Variants in PRELP observed in about 807,000 individuals in gnomAD.
PRELP encodes the protein prolargin.
PRELP carries 16 observed loss-of-function variants against 22.8 expected under a neutral mutation model. That is an observed-to-expected ratio of 0.70 (90% CI 0.47 to 1.06). The LOEUF (loss-of-function observed/expected upper bound fraction) is 1.06. Ranked by LOEUF, PRELP falls within the 50% of genes least tolerant of loss-of-function variation. The probability of loss-of-function intolerance (pLI) is 0.00; values close to 1 mark genes in which losing one functional copy is unlikely to be tolerated. For synonymous variants in PRELP, 233 were observed against 211.4 expected, an observed-to-expected ratio of 1.10 and a Z score of -0.89; for missense variants, 434 against 485.2, an observed-to-expected ratio of 0.89 and a Z score of 0.99.
intron 1 of PRELP, among the ~76,000 whole-genome samples, chr1:203,482,840 G>A (rs1222163528): frequency 6.6e-6 from 1 of 150,942 alleles, no homozygotes; most frequent in African/African-American, 2.4e-5. Context: ...CTCATGATCT[G>A]CCCACCTTGG....
intron 2 of PRELP, among the ~76,000 whole-genome samples, chr1:203,486,011 A>T (rs1661086943): frequency 6.6e-6 from 1 of 152,112 alleles, no homozygotes; most frequent in Non-Finnish European, 1.5e-5. Flanking sequence ...CTCACATCCA[A>T]TTCAAAGGAA....
intron 1 of PRELP, among the ~76,000 whole-genome samples, chr1:203,476,679 GA>G (rs1190427923): frequency 1.3e-5 from 2 of 151,972 alleles, no homozygotes; most frequent in Non-Finnish European, 2.9e-5. Context: ...AGGAGGGAGA[GA>G]AAAACGGCTT....
chr1:203,483,409 C>A lies in PRELP; in HGVS notation c.225C>A (p.Arg75=), dbSNP rs200948130. The part of the protein sequence containing the change: ...GPPSIFPDCP[R]ECYCPPDFPS... ...CATCTATCTTCCCTGACTGTCCCCG[C>A]GAATGCTACTGCCCCCCTGATTTCC... The change falls in exon 2 of 3, where the codon CGC becomes CGA. Residue 75 remains arginine, a synonymous_variant. Coordinates refer to ENST00000343110, the MANE Select transcript of PRELP (RefSeq NM_002725.4). This position sits in a 1 kb window ranked among gnomAD's most constrained non-coding sequence, Gnocchi z 4.4. The A allele has an allele frequency of 1.9e-6, 3 of 1,614,146 alleles. No individual in the cohort carries two copies. Among genetic ancestry groups the A allele is most frequent in the Non-Finnish European group, 1.7e-6 (2 of 1,180,010 alleles).
chr1:203,483,700 C>T lies in PRELP; in HGVS notation c.516C>T (p.Asn172=). ...AGGTCCCCTCGGCCCTGCCCCGGAA[C>T]CTGGAGCAGCTGAGGCTGAGCCAGA... The part of the protein sequence containing the change: ...LEEVPSALPR[N]LEQLRLSQNH... The change falls in exon 2 of 3, where the codon AAC becomes AAT. Residue 172 remains asparagine, a synonymous_variant. Coordinates refer to ENST00000343110, the MANE Select transcript of PRELP (RefSeq NM_002725.4). The surrounding 1 kb of genome is among the most constrained non-coding windows in gnomAD (Gnocchi z 4.4). The T allele has an allele frequency of 1.2e-6, 2 of 1,614,218 alleles. No homozygotes were observed. Among genetic ancestry groups the T allele is most frequent in the Non-Finnish European group, 8.5e-7 (1 of 1,180,036 alleles).
In PRELP at chr1:203,483,817, C is replaced by A. The variant is rs200698666; in HGVS notation, c.633C>A (p.Val211=). 1.3e-4 allele frequency: 208 copies of A among 1,614,058 alleles called. No individual in the cohort carries two copies. The highest frequency in any genetic ancestry group is 1.6e-4 in the Non-Finnish European group (192 of 1,180,022). ...DLQHNRLSDG[V]FKPDTFHGLK... is the part of the protein sequence containing the mutation. ...AGCACAACAGGCTGAGCGACGGCGT[C>A]TTCAAGCCCGACACCTTCCATGGCC... The change falls in exon 2 of 3, where the codon GTC becomes GTA. Residue 211 remains valine, a synonymous_variant. Coordinates refer to ENST00000343110, the MANE Select transcript of PRELP (RefSeq NM_002725.4). The surrounding 1 kb of genome is among the most constrained non-coding windows in gnomAD (Gnocchi z 4.4).
At position 203,484,017 on chromosome 1, in the gene PRELP, T is replaced by G; in HGVS notation, c.833T>G (p.Leu278Arg). The G allele has an allele frequency of 6.2e-7, 1 of 1,614,232 alleles. No homozygotes were observed. Among genetic ancestry groups the G allele is most frequent in the Non-Finnish European group, 8.5e-7 (1 of 1,180,042 alleles). The change falls in exon 2 of 3, where the codon CTG becomes CGG. Residue 278 changes from leucine to arginine, a missense_variant. Transcript: ENST00000343110. ...LAFIRLNYNK[L>R]TDRGLPKNSF... ...TTCATTCGGCTTAACTACAACAAGC[T>G]GACAGACAGGGGACTCCCCAAGAAC...
chr1:203,482,549 A>AT lies in PRELP; in HGVS notation c.-16-618dup, dbSNP rs560800485. ...CGCCTTGGCCTCCCAAAGTGCTGGGATTACAGGCTTGTATGCCACTGTCCC... is the reference window on the plus strand; with the variant it reads ...CGCCTTGGCCTCCCAAAGTGCTGGGATTTACAGGCTTGTATGCCACTGTCCC... On this transcript the variant is annotated intron_variant, in intron 1 of 2. Coordinates refer to ENST00000343110, the MANE Select transcript of PRELP (RefSeq NM_002725.4). Among the ~76,000 whole-genome samples, 23 of 128,866 alleles carry AT rather than the reference A, an allele frequency of 1.8e-4. No individual in the cohort carries two copies. In the East Asian group the frequency reaches 6.1e-3, roughly 34 times the overall value. The allele number at this position is 128,866 out of a possible 152,430, so 84.5% of individuals were successfully genotyped here.
intron 1 of PRELP, among the ~76,000 whole-genome samples, chr1:203,478,610 A>AT (rs987774819): frequency 6.6e-6 from 1 of 152,136 alleles, no homozygotes; most frequent in Non-Finnish European, 1.5e-5. Context: ...TATAGGGAAG[A>AT]TTTTTTTATT....
chr1:203,484,182 G>A, intron 2 of PRELP, 25 bp downstream of exon 2: 1 of 1,585,426 alleles, frequency 6.3e-7, no homozygotes, highest in Non-Finnish European at 8.6e-7. Flanking sequence ...CCGGGGCGGG[G>A]CCGAAGGCAA....
rs1463358113 is a variant in PRELP at position 203,483,611 on chromosome 1, C to G, written c.427C>G (p.Gln143Glu). Residue 143 changes from glutamine to glutamate, a missense_variant, in exon 2 of 3, where the codon CAG (glutamine) becomes GAG (glutamate). By Grantham distance (29) the Gln-to-Glu change is conservative (BLOSUM62 2). Coordinates refer to ENST00000343110, the MANE Select transcript of PRELP (RefSeq NM_002725.4). The surrounding 1 kb of genome is among the most constrained non-coding windows in gnomAD (Gnocchi z 4.4). ...CAACAACCGAATCCGCAAGATAGAC[C>G]AGAGGGTGCTGGAGAAACTGCCCGG... The part of the protein sequence containing the change: ...LDNNRIRKID[Q>E]RVLEKLPGLV... The G allele has an allele frequency of 8.7e-6, 14 of 1,614,098 alleles. No homozygotes were observed. In the Middle Eastern group the frequency reaches 1.5e-3, roughly 171 times the overall value.
chr1:203,483,045 A>T lies in PRELP; in HGVS notation c.-16-124A>T. On this transcript the variant is annotated intron_variant, in intron 1 of 2. Transcript: ENST00000343110. The surrounding 1 kb of genome is among the most constrained non-coding windows in gnomAD (Gnocchi z 4.4). ...TACAGGCAAACAAGGAGATGCTTCCACAGCTCCCTGAGCTCTGCCCATCTT... is the reference window on the plus strand; with the variant it reads ...TACAGGCAAACAAGGAGATGCTTCCTCAGCTCCCTGAGCTCTGCCCATCTT... 1.3e-6 allele frequency: 1 copy of T among 782,176 alleles called. No individual in the cohort carries two copies. Among genetic ancestry groups the T allele is most frequent in the Non-Finnish European group, 2.1e-6 (1 of 483,044 alleles). 48.5% of individuals were successfully genotyped at this position (782,176 alleles called of 1,614,324 possible). A position where few individuals can be genotyped will look rare whatever the true frequency, so the allele number is the denominator to read the frequency against.
intron 1 of PRELP, among the ~76,000 whole-genome samples, chr1:203,478,762 C>T (rs1166947575): frequency 5.9e-5 from 9 of 152,076 alleles, no homozygotes; most frequent in Admixed American, 5.9e-4. Context: ...ATCCTTGTAT[C>T]GTTTCACCTT....
chr1:203,481,164 C>T (rs776766493), intron 1 of PRELP, among the ~76,000 whole-genome samples: 3 of 152,186 alleles, frequency 2.0e-5, no homozygotes, highest in Non-Finnish European at 2.9e-5. Context: ...TGGGAGCCTC[C>T]TTGGGACAGG....
intron 1 of PRELP, among the ~76,000 whole-genome samples, chr1:203,480,747 G>A (rs1287082356): frequency 6.6e-6 from 1 of 152,178 alleles, no homozygotes; most frequent in Non-Finnish European, 1.5e-5. Flanking sequence ...CTTGCTCCTG[G>A]GAGCATTTCC....
chr1:203,490,326 CAGTTCCACG>C lies in PRELP; in HGVS notation c.*3448_*3456del, dbSNP rs1661170998. 6.6e-6 allele frequency: 1 copy of C among 152,134 alleles called. No homozygotes were observed. The highest frequency in any genetic ancestry group is 1.5e-5 in the Non-Finnish European group (1 of 68,024). The allele number at this position is 152,134 out of a possible 1,614,324, so 9.4% of individuals were successfully genotyped here. A position where few individuals can be genotyped will look rare whatever the true frequency, so the allele number is the denominator to read the frequency against. Reference sequence around the variant, plus strand: ...ACAACCCTCATGAAAAATTAATCCTCAGTTCCACGAGACTGCCCACCCACAGACAAAAAA... The same window carrying C: ...ACAACCCTCATGAAAAATTAATCCTCAGACTGCCCACCCACAGACAAAAAA... On this transcript the variant is annotated 3_prime_UTR_variant, in exon 3 of 3. Coordinates refer to ENST00000343110, the MANE Select transcript of PRELP (RefSeq NM_002725.4).
chr1:203,483,478 T>C lies in PRELP; in HGVS notation c.294T>C (p.Pro98=). The change falls in exon 2 of 3, where the codon CCT becomes CCC. Residue 98 remains proline (P), a synonymous_variant. Coordinates refer to ENST00000343110, the MANE Select transcript of PRELP (RefSeq NM_002725.4). This position sits in a 1 kb window ranked among gnomAD's most constrained non-coding sequence, Gnocchi z 4.4. Reference sequence around the variant, plus strand: ...ATAGCCGCAACCTGCGAAAGGTCCCTGTCATCCCGCCCCGCATCCATTACC... The same window carrying C: ...ATAGCCGCAACCTGCGAAAGGTCCCCGTCATCCCGCCCCGCATCCATTACC... ...YCDSRNLRKV[P]VIPPRIHYLY... is the part of the protein sequence containing the mutation. 1.2e-6 allele frequency: 2 copies of C among 1,614,194 alleles called. No homozygotes were observed. Among genetic ancestry groups the C allele is most frequent in the Admixed American group, 1.7e-5 (1 of 60,030 alleles).
chr1:203,479,551 A>C (rs1660963018), intron 1 of PRELP, among the ~76,000 whole-genome samples: 1 of 151,670 alleles, frequency 6.6e-6, no homozygotes, highest in Non-Finnish European at 1.5e-5. Flanking sequence ...AAAAAGACAA[A>C]AATTAGCCAG....
At position 203,489,615 on chromosome 1, in the gene PRELP, AC is replaced by A. The variant is rs1220836817; in HGVS notation, c.*2737del. 6.6e-6 allele frequency: 1 copy of A among 152,230 alleles called. No individual in the cohort carries two copies. The highest frequency in any genetic ancestry group is 1.5e-5 in the Non-Finnish European group (1 of 68,040). The allele number at this position is 152,230 out of a possible 1,614,324, so 9.4% of individuals were successfully genotyped here. Reference sequence around the variant, plus strand: ...CAGGAAATAAAGTAATATGAAAAACACCCTGCGTGAACTCAACGGTGTGAAC... The same window carrying A: ...CAGGAAATAAAGTAATATGAAAAACACCTGCGTGAACTCAACGGTGTGAAC... On this transcript the variant is annotated 3_prime_UTR_variant, in exon 3 of 3. Coordinates refer to ENST00000343110, the MANE Select transcript of PRELP (RefSeq NM_002725.4).
At position 203,489,322 on chromosome 1, in the gene PRELP, C is replaced by G. The variant is rs1442779426; in HGVS notation, c.*2441C>G. 6.6e-6 allele frequency: 1 copy of G among 152,386 alleles called. No individual in the cohort carries two copies. Among genetic ancestry groups the G allele is most frequent in the Admixed American group, 6.5e-5 (1 of 15,284 alleles). 9.4% of individuals were successfully genotyped at this position (152,386 alleles called of 1,614,324 possible). On this transcript the variant is annotated 3_prime_UTR_variant, in exon 3 of 3. Transcript: ENST00000343110. ...TAGAATATGTCTGCTCTCCTTTGCTCTCTGCAGCTGTAAGCCAGAGGGGAT... is the reference window on the plus strand; with the variant it reads ...TAGAATATGTCTGCTCTCCTTTGCTGTCTGCAGCTGTAAGCCAGAGGGGAT...
Sources: gnomAD v4.1 joint callset for allele counts (sites outside exome capture counted in the v4.1 genomes callset) on GRCh38, gnomAD v4.1.1 for gene constraint, Gnocchi (gnomAD v3.1) non-coding constraint, MANE v1.5 for transcripts, NCBI Gene and HGNC (gene_info 2026-07-23, HGNC 2026-07-21) for gene names.